The following DDX60L variants were observed in gnomAD, a reference collection of about 807,000 sequenced individuals.
DDX60L encodes DExD/H-box 60 like, also known as probable ATP-dependent RNA helicase DDX60-like.
Under a neutral mutation model 211.6 loss-of-function variants are expected in DDX60L, and 191 were observed. That is an observed-to-expected ratio of 0.90 (90% CI 0.80 to 1.02). The LOEUF (loss-of-function observed/expected upper bound fraction) is 1.02. Among genes scored for constraint, DDX60L ranks in the 50% least tolerant of loss-of-function variants. The pLI is 0.00. For missense variants in DDX60L, 2,007 were observed against 1,984.1 expected (o/e 1.01, Z -0.22); for synonymous variants, 706 against 694.1 (o/e 1.02, Z -0.27).
At chr4:168,388,799 C>T (rs570426176) in intron 29 of DDX60L, among the ~76,000 whole-genome samples, 14 of 152,220 alleles carry the variant, frequency 9.2e-5, no homozygotes, top group African/African-American at 3.4e-4. Context: ...GGTGAGCAGT[C>T]CCAGCAGGGG....
chr4:168,358,833 A>G (rs190270101), intron 37 of DDX60L, among the ~76,000 whole-genome samples: 15 of 152,124 alleles, frequency 9.9e-5, no homozygotes, highest in East Asian at 3.9e-4. Flanking sequence ...TCCTCTTTAT[A>G]TTACACCTAA....
intron 7 of DDX60L, among the ~76,000 whole-genome samples, chr4:168,454,008 A>C (rs1450645455): frequency 2.0e-5 from 3 of 152,308 alleles, no homozygotes; most frequent in Admixed American, 6.5e-5. Flanking sequence ...GTGAGAAAGA[A>C]GCAAATTAAA....
chr4:168,412,509 G>GA, intron 22 of DDX60L, among the ~76,000 whole-genome samples: 1 of 151,408 alleles, frequency 6.6e-6, no homozygotes, highest in Admixed American at 6.6e-5. Flanking sequence ...CTCTACTTGT[G>GA]GGAAAAAAAA....
At chr4:168,428,559 C>T (rs1751835031) in intron 13 of DDX60L, among the ~76,000 whole-genome samples, 1 of 152,128 alleles carries the variant, frequency 6.6e-6, no homozygotes. Flanking sequence ...CCCTTTCCTA[C>T]TCCAGTTAGG....
At chr4:168,424,980 C>G (rs1406313438) in intron 14 of DDX60L, among the ~76,000 whole-genome samples, 1 of 152,132 alleles carries the variant, frequency 6.6e-6, no homozygotes, top group East Asian at 1.9e-4. Context: ...ACAAATTTGC[C>G]CTTTTTCTTC....
intron 29 of DDX60L, among the ~76,000 whole-genome samples, chr4:168,388,160 A>C (rs1480396299): frequency 2.0e-5 from 3 of 152,240 alleles, no homozygotes; most frequent in African/African-American, 7.2e-5. Context: ...ACATAACAAG[A>C]ACAGTGAAAG....
chr4:168,395,550 G>A (rs1028421375), intron 27 of DDX60L, among the ~76,000 whole-genome samples: 1 of 152,068 alleles, frequency 6.6e-6, no homozygotes, highest in African/African-American at 2.4e-5. Flanking sequence ...ACCATCCTTG[G>A]ATATTTCAAT....
At chr4:168,441,840 C>A (rs1753891640) in intron 9 of DDX60L, among the ~76,000 whole-genome samples, 1 of 152,086 alleles carries the variant, frequency 6.6e-6, no homozygotes, top group Non-Finnish European at 1.5e-5. Flanking sequence ...AACAAAGGAA[C>A]ATCACCATTT....
In DDX60L at chr4:168,373,580, T is replaced by C. The variant is rs189033566; in HGVS notation, c.4776+86A>G. 4 of 1,369,458 alleles carry C rather than the reference T, an allele frequency of 2.9e-6. No individual in the cohort carries two copies. The East Asian group carries it at 9.2e-5, about 32-fold the overall frequency. The allele number at this position is 1,369,458 out of a possible 1,614,324, so 84.8% of individuals were successfully genotyped here. On this transcript the variant is annotated intron_variant, in intron 35 of 37. Coordinates refer to ENST00000682922, the MANE Select transcript of DDX60L (RefSeq NM_001012967.3). ...GTGGACATTTTTCAGTGTTTTGGGT[T>C]TGAGGTCCTATCAAGGCTTCACAGC...
intron 8 of DDX60L, among the ~76,000 whole-genome samples, chr4:168,450,593 C>A (rs1755672235): frequency 6.6e-6 from 1 of 152,108 alleles, no homozygotes; most frequent in African/African-American, 2.4e-5. Flanking sequence ...ATTTTGTACC[C>A]CATCACTCTA....
intron 33 of DDX60L, among the ~76,000 whole-genome samples, chr4:168,377,083 G>A (rs1742088220): frequency 6.6e-6 from 1 of 151,128 alleles, no homozygotes; most frequent in Admixed American, 6.6e-5. Flanking sequence ...TTGAGGTCAG[G>A]AGTTTAAAAC....
At chr4:168,421,612 G>A (rs575356121) in intron 17 of DDX60L, 148 bp downstream of exon 17, 66 of 1,029,700 alleles carry the variant, frequency 6.4e-5, no homozygotes, top group East Asian at 1.9e-4. Context: ...CCGAGATCGC[G>A]CCACTGCACT....
chr4:168,433,911 A>G (rs1467936849), intron 10 of DDX60L, among the ~76,000 whole-genome samples: 1 of 152,196 alleles, frequency 6.6e-6, no homozygotes, highest in East Asian at 1.9e-4. Context: ...TACTTATACT[A>G]GTTACACTAG....
At chr4:168,435,866 C>G (rs1752966923) in intron 10 of DDX60L, among the ~76,000 whole-genome samples, 1 of 152,046 alleles carries the variant, frequency 6.6e-6, no homozygotes, top group Non-Finnish European at 1.5e-5. Context: ...ATTTGTATGT[C>G]AAAGATGGGA....
chr4:168,361,924 T>C (rs1739179841), intron 36 of DDX60L, among the ~76,000 whole-genome samples: 1 of 152,206 alleles, frequency 6.6e-6, no homozygotes, highest in African/African-American at 2.4e-5. Flanking sequence ...CATGATGACA[T>C]TTTGAAGGCC....
At chr4:168,438,063 TG>T (rs1197476332) in intron 10 of DDX60L, among the ~76,000 whole-genome samples, 2 of 152,054 alleles carry the variant, frequency 1.3e-5, no homozygotes, top group African/African-American at 4.8e-5. Flanking sequence ...TTAGTAAAGA[TG>T]GGGTTTTACT....
chr4:168,406,955 A>T (rs952184796), intron 22 of DDX60L, among the ~76,000 whole-genome samples: 10 of 152,190 alleles, frequency 6.6e-5, no homozygotes, highest in Non-Finnish European at 1.5e-4. Context: ...ATTTCCTGAG[A>T]CTATTTGCAC....
chr4:168,477,627 A>G (rs1759766223), intron 1 of DDX60L, among the ~76,000 whole-genome samples: 1 of 152,218 alleles, frequency 6.6e-6, no homozygotes, highest in South Asian at 2.1e-4. Flanking sequence ...TATAAAACCA[A>G]TCAAACATGG....
intron 26 of DDX60L, among the ~76,000 whole-genome samples, chr4:168,396,491 C>T (rs905827004): frequency 6.6e-5 from 10 of 152,062 alleles, no homozygotes; most frequent in African/African-American, 2.4e-4. Flanking sequence ...AATTAGTTGG[C>T]ACATCCCCTG....
Sources: gnomAD v4.1 joint callset for allele counts (sites outside exome capture counted in the v4.1 genomes callset) on GRCh38, gnomAD v4.1.1 for gene constraint, MANE v1.5 for transcripts, NCBI Gene and HGNC (gene_info 2026-07-23, HGNC 2026-07-21) for gene names.